Variants in NUP205 observed in about 807,000 individuals in gnomAD.
The protein encoded by NUP205 is nucleoporin 205, also known as nuclear pore complex protein Nup205.
A neutral mutation model predicts 253.8 loss-of-function variants in NUP205; 76 were observed. The ratio of observed to expected loss-of-function variants is 0.30; its 90% CI spans 0.25 to 0.36. The LOEUF (loss-of-function observed/expected upper bound fraction) is 0.36. NUP205 is among the 10% of genes least tolerant of loss of function. The pLI is 1.00. For missense variants in NUP205, 2,162 were observed against 2,425.5 expected (o/e 0.89, Z 2.28); for synonymous variants, 832 against 850.1 (o/e 0.98, Z 0.37).
chr7:135,576,517 G>A (rs1299456491), intron 4 of NUP205, 103 bp downstream of exon 4: 7 of 925,204 alleles, frequency 7.6e-6, no homozygotes, highest in African/African-American at 3.3e-5. Flanking sequence ...AACATAAGCT[G>A]AGTAATATAC....
chr7:135,587,881 T>G lies in NUP205; in HGVS notation c.1362T>G (p.Pro454=), dbSNP rs564619607. Residue 454 remains proline (P), a synonymous_variant, in exon 10 of 43, where the codon CCT becomes CCG. Coordinates refer to ENST00000285968, the MANE Select transcript of NUP205 (RefSeq NM_015135.3). ...LLIGELYKKN[P]FHLELALEYW... ...TTGGCGAGCTATATAAAAAGAACCCTTTTCATCTGGAGCTTGCTCTAGAAT... is the reference window on the plus strand; with the variant it reads ...TTGGCGAGCTATATAAAAAGAACCCGTTTCATCTGGAGCTTGCTCTAGAAT... 6.2e-7 allele frequency: 1 copy of G among 1,613,572 alleles called. No individual in the cohort carries two copies. Among genetic ancestry groups the G allele is most frequent in the African/African-American group, 1.3e-5 (1 of 75,010 alleles).
Position 135,626,278 on chromosome 7 carries a change from A to G in NUP205, c.4710A>G (p.Ala1570=), listed in dbSNP as rs200958053. The G allele has an allele frequency of 3.7e-6, 6 of 1,614,186 alleles. No individual in the cohort carries two copies. The East Asian group carries it at 8.9e-5, about 24-fold the overall frequency. The change falls in exon 33 of 43, where the codon GCA becomes GCG. Residue 1570 remains alanine (A), a synonymous_variant. Transcript: ENST00000285968. ...GAGTGGCAAAGATACAGCAGGGTGC[A>G]TTAGAGCTGCTAAGATCAGGGGTGA... ...LTRVAKIQQG[A]LELLRSGVIV... is the part of the protein sequence containing the mutation.
intron 2 of NUP205, among the ~76,000 whole-genome samples, chr7:135,571,992 A>G (rs1190863827): frequency 6.6e-6 from 1 of 152,142 alleles, no homozygotes; most frequent in East Asian, 1.9e-4. Context: ...CTTCACTCCT[A>G]AGTAGCTGGG....
At chr7:135,562,746 C>T (rs1407692022) in intron 1 of NUP205, among the ~76,000 whole-genome samples, 2 of 151,832 alleles carry the variant, frequency 1.3e-5, no homozygotes, top group East Asian at 1.9e-4. Flanking sequence ...AGGGTTTCAC[C>T]GTGTTGGCCA....
At chr7:135,614,680 GA>G (rs1478938684) in intron 23 of NUP205, among the ~76,000 whole-genome samples, 1 of 152,126 alleles carries the variant, frequency 6.6e-6, no homozygotes, top group Non-Finnish European at 1.5e-5. Context: ...TTCAGATCTT[GA>G]AATGAAAAGT....
intron 7 of NUP205, among the ~76,000 whole-genome samples, chr7:135,583,004 C>T (rs1806349999): frequency 6.6e-6 from 1 of 152,120 alleles, no homozygotes; most frequent in South Asian, 2.1e-4. Flanking sequence ...ACAGGAGAAT[C>T]TCTTGAACCT....
chr7:135,607,144 A>C, intron 21 of NUP205, 103 bp from the exon 22 acceptor site: 1 of 1,384,078 alleles, frequency 7.2e-7, no homozygotes, highest in Non-Finnish European at 9.9e-7. Flanking sequence ...GAGTGTTTAC[A>C]GTACAGCATA....
At position 135,625,273 on chromosome 7, in the gene NUP205, T is replaced by C; in HGVS notation, c.4589T>C (p.Val1530Ala). The C allele has an allele frequency of 1.2e-6, 2 of 1,614,202 alleles. No individual in the cohort carries two copies. Among genetic ancestry groups the C allele is most frequent in the South Asian group, 2.2e-5 (2 of 91,082 alleles). The change falls in exon 32 of 43, where the codon GTA becomes GCA. Residue 1530 changes from valine to alanine, a missense_variant. This residue lies in a region of NUP205 where 1,144 missense variants were observed against 1,280.9 expected (regional missense o/e 0.89). Transcript: ENST00000285968. ...TTGAAGGTCCTCGTAGACAGCTTGG[T>C]AGAAGATGACCGTACTTTGCAGAGC... ...GYLKVLVDSL[V>A]EDDRTLQSLL...
At chr7:135,572,624 C>A (rs75843576) in intron 2 of NUP205, among the ~76,000 whole-genome samples, 4 of 152,158 alleles carry the variant, frequency 2.6e-5, no homozygotes. Context: ...TGCAGCGGTG[C>A]GATCTTGGCT....
chr7:135,604,946 C>T (rs541303437), intron 19 of NUP205, among the ~76,000 whole-genome samples: 55 of 151,700 alleles, frequency 3.6e-4, no homozygotes, highest in Admixed American at 6.6e-4. Flanking sequence ...TATAATAGTT[C>T]TGTTCACTGA....
intron 31 of NUP205, among the ~76,000 whole-genome samples, 200 bp from the exon 32 acceptor site, chr7:135,624,964 C>T (rs1794554661): frequency 1.3e-5 from 2 of 152,064 alleles, no homozygotes. Flanking sequence ...TGAGAGCTTT[C>T]CTTTATTGAT....
At chr7:135,563,288 A>C (rs1272130351) in intron 1 of NUP205, among the ~76,000 whole-genome samples, 1 of 152,048 alleles carries the variant, frequency 6.6e-6, no homozygotes, top group Non-Finnish European at 1.5e-5. Flanking sequence ...CCTGGGTTCA[A>C]GCGATTCTCC....
chr7:135,574,654 T>G (rs569798479), intron 3 of NUP205, among the ~76,000 whole-genome samples: 2 of 152,304 alleles, frequency 1.3e-5, no homozygotes, highest in South Asian at 4.1e-4. Flanking sequence ...TGTTTGATTT[T>G]GCATGATAAT....
At chr7:135,618,375 C>T in intron 27 of NUP205, 37 bp from the exon 28 acceptor site, 1 of 1,551,306 alleles carries the variant, frequency 6.4e-7, no homozygotes, top group Non-Finnish European at 8.9e-7. Flanking sequence ...ATCTTATTTG[C>T]CTGTTTAACC....
chr7:135,592,629 G>A lies in NUP205; in HGVS notation c.1625-358G>A, dbSNP rs558577994. On this transcript the variant is annotated intron_variant, in intron 11 of 42. Coordinates refer to ENST00000285968, the MANE Select transcript of NUP205 (RefSeq NM_015135.3). ...AGGCTGGGTGCAGTGGCTCATGCCT[G>A]TAATCCCAGCACTTTGGGAGGCCGA... Among the ~76,000 whole-genome samples, 8 of 152,356 alleles carry A rather than the reference G, an allele frequency of 5.3e-5. No homozygotes were observed. In the East Asian group the frequency reaches 1.3e-3, roughly 26 times the overall value.
intron 1 of NUP205, among the ~76,000 whole-genome samples, chr7:135,558,711 G>T (rs1805501176): frequency 6.6e-6 from 1 of 152,154 alleles, no homozygotes; most frequent in Non-Finnish European, 1.5e-5. Flanking sequence ...CACTGCTGTC[G>T]CATAGTAGGC....
intron 38 of NUP205, among the ~76,000 whole-genome samples, chr7:135,640,703 AATAACC>A (rs1463361935): frequency 3.9e-5 from 6 of 152,194 alleles, no homozygotes; most frequent in Non-Finnish European, 1.5e-5. Context: ...TAGCTAATAA[AATAACC>A]TTTATTTAAA....
intron 10 of NUP205, among the ~76,000 whole-genome samples, chr7:135,589,565 GGCATGA>G (rs1330482093): frequency 2.0e-5 from 3 of 151,286 alleles, no homozygotes; most frequent in African/African-American, 7.3e-5. Flanking sequence ...TGGGATTGTA[GGCATGA>G]GCCACTGTAC....
At chr7:135,648,226 C>T (rs2129492775) in intron 42 of NUP205, among the ~76,000 whole-genome samples, 178 bp from the exon 43 acceptor site, 1 of 152,130 alleles carries the variant, frequency 6.6e-6, no homozygotes, top group East Asian at 1.9e-4. Flanking sequence ...CCAAAAAATT[C>T]TAAGGTAGAA....
Sources: gnomAD v4.1 joint callset for allele counts (sites outside exome capture counted in the v4.1 genomes callset) on GRCh38, gnomAD v4.1.1 for gene constraint, gnomAD v4.1.1 regional missense constraint, MANE v1.5 for transcripts, NCBI Gene and HGNC (gene_info 2026-07-23, HGNC 2026-07-21) for gene names.